The following TIAL1 variants were observed in gnomAD, a reference collection of about 807,000 sequenced individuals.
TIAL1 encodes nucleolysin TIAR.
TIAL1 carries 7 observed loss-of-function variants against 59.7 expected under a neutral mutation model. That is an observed-to-expected ratio of 0.12 (90% CI 0.07 to 0.22). The LOEUF is 0.22. Ranked by LOEUF, TIAL1 falls within the 10% of genes least tolerant of loss-of-function variation. The probability of loss-of-function intolerance (pLI) is 1.00; values close to 1 mark genes in which losing one functional copy is unlikely to be tolerated. For synonymous variants in TIAL1, 149 were observed against 146.3 expected, an observed-to-expected ratio of 1.02 and a Z score of -0.13; for missense variants, 225 against 462.5, an observed-to-expected ratio of 0.49 and a Z score of 4.71.
intron 1 of TIAL1, among the ~76,000 whole-genome samples, chr10:119,593,893 T>G (rs1257008590): frequency 6.6e-6 from 1 of 152,214 alleles, no homozygotes; most frequent in African/African-American, 2.4e-5. Context: ...CTGCACCACA[T>G]GTGACAGTAA....
At chr10:119,585,279 G>A (rs1370427805) in intron 2 of TIAL1, among the ~76,000 whole-genome samples, 3 of 151,710 alleles carry the variant, frequency 2.0e-5, no homozygotes, top group South Asian at 4.2e-4. Context: ...GTAACATGGT[G>A]AAACCAATCT....
rs941058045 is a variant in TIAL1 at position 119,574,998 on chromosome 10, A to T, written c.*667T>A. On this transcript the variant is annotated 3_prime_UTR_variant, in exon 12 of 12. Transcript: ENST00000436547. ...AAATACTACAATTTTAATAATCGACACTTTTGGAAGTTTTAAAAATATGTC... is the reference window on the plus strand; with the variant it reads ...AAATACTACAATTTTAATAATCGACTCTTTTGGAAGTTTTAAAAATATGTC... The T allele has an allele frequency of 6.6e-6, 1 of 152,634 alleles. No homozygotes were observed. The highest frequency in any genetic ancestry group is 1.9e-4 in the East Asian group (1 of 5,200). The allele number at this position is 152,634 out of a possible 1,614,324, so 9.5% of individuals were successfully genotyped here. A position where few individuals can be genotyped will look rare whatever the true frequency, so the allele number is the denominator to read the frequency against.
At chr10:119,581,743 A>G (rs1845318058) in intron 5 of TIAL1, 179 bp downstream of exon 5, 6 of 518,070 alleles carry the variant, frequency 1.2e-5, no homozygotes, top group African/African-American at 3.8e-5. Context: ...AGACACTGAA[A>G]TGACATTAAC....
intron 2 of TIAL1, among the ~76,000 whole-genome samples, chr10:119,583,267 G>A (rs1029633217): frequency 2.0e-5 from 3 of 152,138 alleles, no homozygotes; most frequent in African/African-American, 7.2e-5. Context: ...AAGAGGTTCT[G>A]AAAATGTATC....
At position 119,578,788 on chromosome 10, in the gene TIAL1, C is replaced by G. The variant is rs1845158178; in HGVS notation, c.494G>C (p.Gly165Ala). The G allele has an allele frequency of 2.5e-6, 4 of 1,614,136 alleles. No individual in the cohort carries two copies. The highest frequency in any genetic ancestry group is 3.4e-6 in the Non-Finnish European group (4 of 1,180,008). The change falls in exon 7 of 12, where the codon GGT becomes GCT. Residue 165 changes from glycine (G) to alanine (A), a missense_variant. Around this residue, in one of 4 missense-constraint regions of TIAL1, gnomAD observed 38 missense variants for 173.0 expected, o/e 0.22. Coordinates refer to ENST00000436547, the MANE Select transcript of TIAL1 (RefSeq NM_003252.4). ...GGCCCAATTGGTTCGGATTTGACGA[C>G]CACCCAACCACTGACCGCCCATATG... ...IVHMGGQWLG[G>A]RQIRTNWATR...
chr10:119,581,704 A>G, intron 5 of TIAL1: 1 of 398,282 alleles, frequency 2.5e-6, no homozygotes, highest in Non-Finnish European at 4.5e-6. Flanking sequence ...AACATATTAT[A>G]CACAGGATTA....
At position 119,574,585 on chromosome 10, in the gene TIAL1, G is replaced by GAAAAAAAAAAAA. The variant is rs1302922520; in HGVS notation, c.*1079_*1080insTTTTTTTTTTTT. 1.6e-4 allele frequency: 1 copy of GAAAAAAAAAAAA among 6,124 alleles called. No homozygotes were observed. Among genetic ancestry groups the GAAAAAAAAAAAA allele is most frequent in the Non-Finnish European group, 5.0e-4 (1 of 2,012 alleles). 0.4% of individuals were successfully genotyped at this position (6,124 alleles called of 1,614,324 possible). A position where few individuals can be genotyped will look rare whatever the true frequency, so the allele number is the denominator to read the frequency against. On this transcript the variant is annotated 3_prime_UTR_variant, in exon 12 of 12. Coordinates refer to ENST00000436547, the MANE Select transcript of TIAL1 (RefSeq NM_003252.4). ...GTATTTACATACCAAGTAATGTAAA[G>GAAAAAAAAAAAA]CAAAAAAAAAAAAAAAAAAAAACAA...
At chr10:119,579,005 T>C in intron 6 of TIAL1, 171 bp from the exon 7 acceptor site, 1 of 602,050 alleles carries the variant, frequency 1.7e-6, no homozygotes, top group Non-Finnish European at 2.9e-6. Flanking sequence ...CGATTTGAAC[T>C]TGAGATTCAA....
At position 119,574,085 on chromosome 10, in the gene TIAL1, T is replaced by G. The variant is rs961493043; in HGVS notation, c.*1580A>C. The stretch of plus-strand genomic sequence containing the variant: ...TCTCTTTGGTGCCCAGGCCAGCATT[T>G]TGAATACATTGCCAAAACATTTGCA... On this transcript the variant is annotated 3_prime_UTR_variant, in exon 12 of 12. Coordinates refer to ENST00000436547, the MANE Select transcript of TIAL1 (RefSeq NM_003252.4). 1.3e-5 allele frequency: 2 copies of G among 152,662 alleles called. No homozygotes were observed. The highest frequency in any genetic ancestry group is 2.4e-5 in the African/African-American group (1 of 41,460). The allele number at this position is 152,662 out of a possible 1,614,324, so 9.5% of individuals were successfully genotyped here.
At chr10:119,585,959 T>C (rs963835017) in intron 2 of TIAL1, among the ~76,000 whole-genome samples, 3 of 152,184 alleles carry the variant, frequency 2.0e-5, no homozygotes, top group African/African-American at 7.2e-5. Flanking sequence ...TTTCTTCCCT[T>C]ACTCAAACTC....
chr10:119,584,681 T>C (rs1845461188), intron 2 of TIAL1, among the ~76,000 whole-genome samples: 1 of 151,974 alleles, frequency 6.6e-6, no homozygotes. Context: ...TACAAAAAAT[T>C]AGCTGGGTGT....
chr10:119,585,397 C>T (rs1845518389), intron 2 of TIAL1, among the ~76,000 whole-genome samples: 1 of 151,458 alleles, frequency 6.6e-6, no homozygotes, highest in South Asian at 2.1e-4. Context: ...CTGCAGTGAG[C>T]CATGATGGCG....
Position 119,581,910 on chromosome 10 carries a change from T to G in TIAL1, c.371+12A>C. 6.3e-7 allele frequency: 1 copy of G among 1,598,236 alleles called. No individual in the cohort carries two copies. Among genetic ancestry groups the G allele is most frequent in the Admixed American group, 1.7e-5 (1 of 59,988 alleles). On this transcript the variant is annotated intron_variant, in intron 5 of 11. Transcript: ENST00000436547. ...TATCATGACTGAGTGTAGTACTGAT[T>G]ATGATACTTACGATATTTTACCAAA...
intron 1 of TIAL1, among the ~76,000 whole-genome samples, chr10:119,589,374 T>G (rs1367162373): frequency 6.6e-6 from 1 of 152,110 alleles, no homozygotes; most frequent in Non-Finnish European, 1.5e-5. Context: ...CCCGGCTAAT[T>G]TTTGTATTTT....
chr10:119,576,049 T>C (rs1184720969), intron 11 of TIAL1, among the ~76,000 whole-genome samples: 5 of 152,128 alleles, frequency 3.3e-5, no homozygotes, highest in Non-Finnish European at 5.9e-5. Flanking sequence ...TTTTTAAAAA[T>C]TGTGAATGAT....
intron 1 of TIAL1, among the ~76,000 whole-genome samples, chr10:119,591,302 G>T (rs977500668): frequency 3.3e-5 from 5 of 152,080 alleles, no homozygotes; most frequent in African/African-American, 1.2e-4. Flanking sequence ...CTACTTGGGG[G>T]AGGCTGAGGC....
rs1844857986 is a variant in TIAL1, at chr10:119,574,417, T to C, written c.*1248A>G. ...AAATTGGTACATTGAAGTGTCTAAATAAGATGTTTTTAGCAATCTTGTTAA... is the reference window on the plus strand; with the variant it reads ...AAATTGGTACATTGAAGTGTCTAAACAAGATGTTTTTAGCAATCTTGTTAA... On this transcript the variant is annotated 3_prime_UTR_variant, in exon 12 of 12. Transcript: ENST00000436547. 6.6e-6 allele frequency: 1 copy of C among 152,360 alleles called. No individual in the cohort carries two copies. Among genetic ancestry groups the C allele is most frequent in the African/African-American group, 2.4e-5 (1 of 41,440 alleles). The allele number at this position is 152,360 out of a possible 1,614,324, so 9.4% of individuals were successfully genotyped here.
At chr10:119,580,178 G>C in intron 5 of TIAL1, 168 bp from the exon 6 acceptor site, 1 of 518,410 alleles carries the variant, frequency 1.9e-6, no homozygotes, top group Non-Finnish European at 3.2e-6. Context: ...TTACCTGTTA[G>C]AAAAAAGCAG....
intron 1 of TIAL1, among the ~76,000 whole-genome samples, chr10:119,590,014 T>C (rs752268937): frequency 3.9e-5 from 6 of 152,194 alleles, no homozygotes; most frequent in Admixed American, 3.9e-4. Flanking sequence ...TAAGATGGAA[T>C]ACTCAAAGGG....
Sources: allele counts gnomAD v4.1 joint callset (sites outside exome capture counted in the v4.1 genomes callset), GRCh38; gene constraint gnomAD v4.1.1; regional missense constraint gnomAD v4.1.1; transcripts MANE v1.5; gene names NCBI Gene and HGNC (gene_info 2026-07-23, HGNC 2026-07-21).